The following PFKP variants were observed in gnomAD, a reference collection of about 807,000 sequenced individuals.
The protein encoded by PFKP is phosphofructokinase, platelet.
In PFKP, 101 loss-of-function variants were observed where a neutral mutation model predicts 94.3. The observed-to-expected ratio is 1.07, with a 90% confidence interval of 0.91 to 1.26. The LOEUF is 1.26. PFKP is among the 50% of genes most tolerant of loss of function. PFKP has a pLI of 0.00. For missense variants in PFKP, 1,145 were observed against 1,103.3 expected (o/e 1.04, Z -0.53); for synonymous variants, 573 against 432.6 (o/e 1.32, Z -4.03).
chr10:3,109,395 A>T lies in PFKP; in HGVS notation c.1004A>T (p.Glu335Val). Reference sequence around the variant, plus strand: ...GTGGAGGCAGTCATCGCCTTGCTAGAGGCCACCCCGGACACCCCAGCTTGC... The same window carrying T: ...GTGGAGGCAGTCATCGCCTTGCTAGTGGCCACCCCGGACACCCCAGCTTGC... Reference protein sequence around the residue: ...MGVEAVIALLEATPDTPACVV... With the variant: ...MGVEAVIALLVATPDTPACVV... Residue 335 changes from glutamate (E) to valine (V), a missense_variant, in exon 10 of 22, where the codon GAG becomes GTG. Physicochemically the swap from Glu to Val is moderately radical, Grantham distance 121. This residue lies in a region of PFKP where 1,119 missense variants were observed against 1,062.8 expected (regional missense o/e 1.05). Coordinates refer to ENST00000381125, the MANE Select transcript of PFKP (RefSeq NM_002627.5). 6.2e-7 allele frequency: 1 copy of T among 1,610,718 alleles called. No homozygotes were observed. Among genetic ancestry groups the T allele is most frequent in the Non-Finnish European group, 8.5e-7 (1 of 1,179,998 alleles).
chr10:3,096,657 C>CCA (rs976470874), intron 2 of PFKP, among the ~76,000 whole-genome samples: 5 of 151,480 alleles, frequency 3.3e-5, no homozygotes, highest in African/African-American at 9.7e-5. Context: ...TTCCTTGCCC[C>CCA]CCCGAGCTTC....
At chr10:3,125,266 T>G in intron 16 of PFKP, 2 of 1,283,828 alleles carry the variant, frequency 1.6e-6, no homozygotes, top group Non-Finnish European at 2.0e-6. Flanking sequence ...GAACCCCGTT[T>G]CCTCTCATTG....
intron 18 of PFKP, among the ~76,000 whole-genome samples, chr10:3,132,897 A>G (rs1014677821): frequency 7.6e-6 from 1 of 132,074 alleles, no homozygotes. Flanking sequence ...GGGATGATTG[A>G]CGTTCTGGGT....
intron 18 of PFKP, among the ~76,000 whole-genome samples, chr10:3,132,965 AACTT>A (rs543906484): frequency 8.5e-5 from 13 of 152,314 alleles, no homozygotes; most frequent in Non-Finnish European, 1.6e-4. Context: ...TGCAATTTAA[AACTT>A]ACATATTTAT....
At chr10:3,073,823 G>T (rs537902052) in intron 1 of PFKP, among the ~76,000 whole-genome samples, 12 of 151,618 alleles carry the variant, frequency 7.9e-5, no homozygotes, top group African/African-American at 2.7e-4. Context: ...GTGTGTGTGT[G>T]TGTTTTTTTT....
At chr10:3,082,805 T>A (rs147913412) in intron 2 of PFKP, among the ~76,000 whole-genome samples, 1 of 152,302 alleles carries the variant, frequency 6.6e-6, no homozygotes, top group East Asian at 1.9e-4. Context: ...TGCAACCTGC[T>A]GGGTTCAAGC....
At chr10:3,086,262 C>T (rs968909842) in intron 2 of PFKP, among the ~76,000 whole-genome samples, 17 of 152,138 alleles carry the variant, frequency 1.1e-4, no homozygotes, top group Non-Finnish European at 2.1e-4. Context: ...AAGTTAGTTC[C>T]CTCACAGAAG....
rs371601110 is a variant in PFKP at position 3,123,821 on chromosome 10, GCCATGGCCAGAGCCTGC to G, written c.1683+3779_1683+3795del. Among the ~76,000 whole-genome samples, 129 of 152,388 alleles carry G rather than the reference GCCATGGCCAGAGCCTGC, an allele frequency of 8.5e-4. 3 individuals are homozygous for G. The highest frequency in any genetic ancestry group is 2.8e-3 in the African/African-American group (117 of 41,602). On this transcript the variant is annotated intron_variant, in intron 16 of 21. Coordinates refer to ENST00000381125, the MANE Select transcript of PFKP (RefSeq NM_002627.5). ...TTTGGATTGAAGTCCTGCAAAAACTGCCATGGCCAGAGCCTGCCAGGCAGAGCCTGCACAGAGCGGCC... is the reference window on the plus strand; with the variant it reads ...TTTGGATTGAAGTCCTGCAAAAACTGCAGGCAGAGCCTGCACAGAGCGGCC...
rs368669349 is a variant in PFKP at position 3,113,399 on chromosome 10, G to T, written c.1252G>T (p.Val418Leu). ...CAATTGCAACGTAGCTGTCATCAAC[G>T]TGGGGGCACCCGCGGCTGGGATGAA... ...KTNCNVAVIN[V>L]GAPAAGMNAA... The change falls in exon 13 of 22, where the codon GTG becomes TTG. Residue 418 changes from valine to leucine, a missense_variant. By Grantham distance (32) the Val-to-Leu change is conservative. Coordinates refer to ENST00000381125, the MANE Select transcript of PFKP (RefSeq NM_002627.5). 34 of 1,597,364 alleles carry T rather than the reference G, an allele frequency of 2.1e-5. No individual in the cohort carries two copies. The highest frequency in any genetic ancestry group is 1.1e-4 in the South Asian group (10 of 89,280).
rs112176237 is a variant in PFKP, at chr10:3,132,688, A to C, written c.1910+247A>C. On this transcript the variant is annotated intron_variant, in intron 18 of 21. Coordinates refer to ENST00000381125, the MANE Select transcript of PFKP (RefSeq NM_002627.5). ...TCTTGCAATCATTTCCCTAATTAGC[A>C]CCTGATGTTTATGAAGAAAGAAGGA... Among the ~76,000 whole-genome samples, 144 of 152,272 alleles carry C rather than the reference A, an allele frequency of 9.5e-4. 1 individual carries two copies. The highest frequency in any genetic ancestry group is 3.4e-3 in the Middle Eastern group (1 of 294).
intron 10 of PFKP, among the ~76,000 whole-genome samples, chr10:3,111,845 C>T (rs1836266403): frequency 2.0e-5 from 3 of 152,152 alleles, no homozygotes; most frequent in Admixed American, 2.0e-4. Flanking sequence ...TTTTTCCCCA[C>T]CATAATCAAA....
intron 6 of PFKP, 48 bp downstream of exon 6, chr10:3,105,207 C>T (rs771592100): frequency 6.4e-7 from 1 of 1,557,720 alleles, no homozygotes; most frequent in Non-Finnish European, 8.9e-7. Context: ...GTGGGGGACC[C>T]TCAGCATCAT....
chr10:3,119,762 G>GTGGGCGC, intron 15 of PFKP, 130 bp from the exon 16 acceptor site: 1 of 664,016 alleles, frequency 1.5e-6, no homozygotes, highest in South Asian at 2.0e-5. Flanking sequence ...GTTGATCTCG[G>GTGGGCGC]AGTGTTTTCG....
Position 3,103,878 on chromosome 10 carries a change from T to C in PFKP, c.554T>C (p.Ile185Thr). 6.2e-7 allele frequency: 1 copy of C among 1,613,970 alleles called. No individual in the cohort carries two copies. The highest frequency in any genetic ancestry group is 1.1e-5 in the South Asian group (1 of 91,082). The change falls in exon 5 of 22, where the codon ATC (isoleucine) becomes ACC (threonine). Residue 185 changes from isoleucine (I) to threonine (T), a missense_variant. Coordinates refer to ENST00000381125, the MANE Select transcript of PFKP (RefSeq NM_002627.5). Reference sequence around the variant, plus strand: ...GATTTCTGCGGCACCGACATGACCATCGGCACGGACTCCGCCCTGCACAGG... The same window carrying C: ...GATTTCTGCGGCACCGACATGACCACCGGCACGGACTCCGCCCTGCACAGG... The part of the protein sequence containing the change: ...DNDFCGTDMT[I>T]GTDSALHRII...
chr10:3,129,559 C>T (rs796156838), intron 16 of PFKP: 22 of 478,080 alleles, frequency 4.6e-5, no homozygotes, highest in African/African-American at 3.0e-4. Context: ...GAGAAGGGAG[C>T]GGCAGATGGC....
At chr10:3,121,066 A>C (rs1837350268) in intron 16 of PFKP, among the ~76,000 whole-genome samples, 1 of 152,178 alleles carries the variant, frequency 6.6e-6, no homozygotes, top group South Asian at 2.1e-4. Context: ...GGTAAATAAA[A>C]AAACAAGCTT....
At chr10:3,093,018 G>A (rs1345971138) in intron 2 of PFKP, among the ~76,000 whole-genome samples, 4 of 151,092 alleles carry the variant, frequency 2.6e-5, no homozygotes, top group African/African-American at 4.9e-5. Flanking sequence ...CTCCTGGGAT[G>A]TGTGGAAGGG....
intron 1 of PFKP, among the ~76,000 whole-genome samples, chr10:3,073,130 A>C (rs1158336077): frequency 6.6e-6 from 1 of 151,920 alleles, no homozygotes; most frequent in Non-Finnish European, 1.5e-5. Flanking sequence ...CACATGGCAG[A>C]CCAGAGCACT....
At chr10:3,090,925 A>G (rs1833998168) in intron 2 of PFKP, among the ~76,000 whole-genome samples, 1 of 152,202 alleles carries the variant, frequency 6.6e-6, no homozygotes, top group African/African-American at 2.4e-5. Flanking sequence ...GGTTACCAAC[A>G]GACCAGGACA....
Sources: gnomAD v4.1 joint callset for allele counts (sites outside exome capture counted in the v4.1 genomes callset) on GRCh38, gnomAD v4.1.1 for gene constraint, gnomAD v4.1.1 regional missense constraint, MANE v1.5 for transcripts, NCBI Gene and HGNC (gene_info 2026-07-23, HGNC 2026-07-21) for gene names.